The following PHACTR1 variants were observed in gnomAD, a reference collection of about 807,000 sequenced individuals.
PHACTR1 encodes the protein phosphatase and actin regulator 1.
A neutral mutation model predicts 69.2 loss-of-function variants in PHACTR1; 16 were observed. The observed-to-expected ratio is 0.23, with a 90% CI of 0.16 to 0.35. The LOEUF (loss-of-function observed/expected upper bound fraction) is 0.35. Ranked by LOEUF, PHACTR1 falls within the 10% of genes least tolerant of loss-of-function variation. The pLI is 1.00. For missense variants in PHACTR1, 510 were observed against 734.7 expected (o/e 0.69, Z 3.54); for synonymous variants, 312 against 284.5 (o/e 1.10, Z -0.97).
intron 4 of PHACTR1, among the ~76,000 whole-genome samples, chr6:12,857,286 A>G (rs1018367486): frequency 6.6e-6 from 1 of 152,174 alleles, no homozygotes; most frequent in African/African-American, 2.4e-5. Context: ...ACTTAAAGTG[A>G]GACTAATATA....
At chr6:12,924,517 G>A (rs1375727463) in intron 4 of PHACTR1, among the ~76,000 whole-genome samples, 1 of 152,160 alleles carries the variant, frequency 6.6e-6, no homozygotes, top group African/African-American at 2.4e-5. Context: ...GCTCACGCCT[G>A]TAATCCCAGC....
chr6:13,110,676 A>G (rs986073738), intron 5 of PHACTR1, among the ~76,000 whole-genome samples: 10 of 152,318 alleles, frequency 6.6e-5, no homozygotes, highest in African/African-American at 2.2e-4. Flanking sequence ...TGTACCACAG[A>G]CTGGAAAGTG....
intron 4 of PHACTR1, among the ~76,000 whole-genome samples, chr6:13,007,698 C>T (rs1010386187): frequency 6.7e-6 from 1 of 149,116 alleles, no homozygotes; most frequent in African/African-American, 2.5e-5. Context: ...AGGTAGACTA[C>T]CCCAGCCCTC....
At chr6:12,818,259 C>T (rs1184777989) in intron 4 of PHACTR1, among the ~76,000 whole-genome samples, 1 of 152,138 alleles carries the variant, frequency 6.6e-6, no homozygotes, top group Non-Finnish European at 1.5e-5. Flanking sequence ...TTCTTCCAGT[C>T]TAGGACAGTC....
chr6:13,227,313 C>A (rs1490905057), intron 8 of PHACTR1, among the ~76,000 whole-genome samples: 1 of 152,146 alleles, frequency 6.6e-6, no homozygotes, highest in Non-Finnish European at 1.5e-5. Flanking sequence ...TATTAGTCGC[C>A]CTGTGTAGCT....
intron 4 of PHACTR1, among the ~76,000 whole-genome samples, chr6:13,038,707 T>C (rs898313351): frequency 1.3e-5 from 2 of 152,294 alleles, no homozygotes; most frequent in Non-Finnish European, 2.9e-5. Flanking sequence ...CAACTTAAAA[T>C]AGTAATAACT....
chr6:12,829,302 T>C (rs1273473238), intron 4 of PHACTR1, among the ~76,000 whole-genome samples: 1 of 152,200 alleles, frequency 6.6e-6, no homozygotes, highest in Non-Finnish European at 1.5e-5. Context: ...AAGCTCTTTC[T>C]AGTAGCAGAA....
intron 4 of PHACTR1, among the ~76,000 whole-genome samples, chr6:12,856,255 C>CTTTT (rs66541950): frequency 1.1e-4 from 15 of 135,790 alleles, no homozygotes; most frequent in Admixed American, 2.3e-4. Flanking sequence ...TTCTTTCTTT[C>CTTTT]TTTTTTTTTT....
intron 8 of PHACTR1, among the ~76,000 whole-genome samples, chr6:13,221,612 A>G (rs1378692238): frequency 6.6e-6 from 1 of 152,200 alleles, no homozygotes; most frequent in Non-Finnish European, 1.5e-5. Flanking sequence ...GCATTTTCCC[A>G]TCTAAAACGG....
At chr6:13,153,971 C>A (rs1757819478) in intron 5 of PHACTR1, among the ~76,000 whole-genome samples, 1 of 151,954 alleles carries the variant, frequency 6.6e-6, no homozygotes, top group Non-Finnish European at 1.5e-5. Context: ...AGGCATTTTT[C>A]TTTAACAACT....
intron 5 of PHACTR1, among the ~76,000 whole-genome samples, chr6:13,118,162 A>T (rs1020292522): frequency 6.6e-6 from 1 of 152,204 alleles, no homozygotes; most frequent in Admixed American, 6.5e-5. Context: ...GAACGTGTTG[A>T]TGGGTCTTCT....
intron 4 of PHACTR1, among the ~76,000 whole-genome samples, chr6:12,958,773 G>A (rs1020002062): frequency 2.0e-5 from 3 of 152,208 alleles, no homozygotes; most frequent in African/African-American, 7.2e-5. Context: ...AGTGTCCTTA[G>A]AATAATATCT....
intron 10 of PHACTR1, chr6:13,272,168 T>G (rs1001475791): frequency 6.6e-6 from 1 of 152,386 alleles, no homozygotes; most frequent in African/African-American, 2.4e-5. Context: ...GCCCGTTCCC[T>G]GGCTACTTCT....
At chr6:13,089,156 C>A (rs1469520632) in intron 5 of PHACTR1, among the ~76,000 whole-genome samples, 3 of 152,200 alleles carry the variant, frequency 2.0e-5, no homozygotes, top group Non-Finnish European at 2.9e-5. Context: ...TCCCCCTTAG[C>A]TCTTGGTTTG....
At chr6:13,269,250 C>G (rs1777268295) in intron 10 of PHACTR1, among the ~76,000 whole-genome samples, 1 of 152,182 alleles carries the variant, frequency 6.6e-6, no homozygotes, top group African/African-American at 2.4e-5. Flanking sequence ...GGCTGCGCAT[C>G]TCTTATAAAA....
intron 4 of PHACTR1, among the ~76,000 whole-genome samples, chr6:12,779,706 G>A (rs1770570929): frequency 6.6e-6 from 1 of 152,100 alleles, no homozygotes; most frequent in Non-Finnish European, 1.5e-5. Flanking sequence ...TTATCGAAAC[G>A]GCTATTTTCT....
In PHACTR1 at chr6:12,937,157, T is replaced by C. The variant is rs577477889; in HGVS notation, c.251-116208T>C. Among the ~76,000 whole-genome samples the C allele has an allele frequency of 6.6e-5, 10 of 152,326 alleles. No individual in the cohort carries two copies. In the East Asian group the frequency reaches 1.9e-3, roughly 29 times the overall value. The stretch of plus-strand genomic sequence containing the variant: ...CTAACCGATTTCAGGTCTTTTTTTC[T>C]GCCCAGCCACCTTTCTGTGTTAGGC... On this transcript the variant is annotated intron_variant, in intron 4 of 14. Coordinates refer to ENST00000332995, the MANE Select transcript of PHACTR1 (RefSeq NM_030948.6).
chr6:12,753,519 A>G (rs1766870386), intron 4 of PHACTR1, among the ~76,000 whole-genome samples: 1 of 152,246 alleles, frequency 6.6e-6, no homozygotes, highest in Admixed American at 6.5e-5. Context: ...ATTATTAGGC[A>G]CTATTGAGAA....
intron 7 of PHACTR1, among the ~76,000 whole-genome samples, chr6:13,205,564 G>A (rs192922241): frequency 1.4e-3 from 212 of 152,308 alleles, no homozygotes; most frequent in African/African-American, 4.3e-3. Context: ...CTGACATACT[G>A]TGCATTAGAC....
Sources: gnomAD v4.1 joint callset for allele counts (sites outside exome capture counted in the v4.1 genomes callset) on GRCh38, gnomAD v4.1.1 for gene constraint, MANE v1.5 for transcripts, NCBI Gene and HGNC (gene_info 2026-07-23, HGNC 2026-07-21) for gene names.